The following IQCM variants were observed in gnomAD, a reference collection of about 807,000 sequenced individuals.
IQCM encodes the protein IQ domain-containing protein M.
IQCM carries 45 observed loss-of-function variants against 57.6 expected under a neutral mutation model. That is an observed-to-expected ratio of 0.78 (90% confidence interval 0.62 to 1.00). The LOEUF is 1.00. Among genes scored for constraint, IQCM ranks in the 50% least tolerant of loss-of-function variants. The pLI is 0.00. For missense variants in IQCM, 468 were observed against 511.6 expected (o/e 0.91, Z 0.82); for synonymous variants, 148 against 158.9 (o/e 0.93, Z 0.51).
chr4:149,506,025 C>T (rs1743778539), intron 12 of IQCM, among the ~76,000 whole-genome samples: 1 of 152,168 alleles, frequency 6.6e-6, no homozygotes, highest in African/African-American at 2.4e-5. Flanking sequence ...TCTTACTTAT[C>T]CACAAGATCT....
chr4:149,465,426 T>A (rs1553970248), intron 12 of IQCM, among the ~76,000 whole-genome samples: 1 of 152,146 alleles, frequency 6.6e-6, no homozygotes, highest in African/African-American at 2.4e-5. Context: ...GGCTCCCAGA[T>A]GAGTACCGAA....
chr4:149,713,760 G>A (rs947697009), intron 5 of IQCM, among the ~76,000 whole-genome samples: 3 of 151,740 alleles, frequency 2.0e-5, no homozygotes, highest in African/African-American at 7.3e-5. Context: ...CCCATCTAAG[G>A]CCCAACCCCT....
Position 149,351,782 on chromosome 4 carries a change from G to T in IQCM, c.*169C>A. 2.6e-6 allele frequency: 1 copy of T among 387,216 alleles called. No individual in the cohort carries two copies. Among genetic ancestry groups the T allele is most frequent in the Admixed American group, 4.5e-5 (1 of 22,428 alleles). The allele number at this position is 387,216 out of a possible 1,614,324, so 24.0% of individuals were successfully genotyped here. ...TTATGAAGGAGATCAAATGAATGGT[G>T]TTCATCCAAAAATACTAGAAATTAT... On this transcript the variant is annotated 3_prime_UTR_variant, in exon 14 of 14. Transcript: ENST00000636793.
intron 2 of IQCM, among the ~76,000 whole-genome samples, chr4:149,796,317 G>A (rs1245314338): frequency 6.6e-6 from 1 of 152,180 alleles, no homozygotes; most frequent in Non-Finnish European, 1.5e-5. Flanking sequence ...ACAGAGTGAG[G>A]CTCCTCTCCC....
intron 7 of IQCM, among the ~76,000 whole-genome samples, chr4:149,649,576 T>C (rs188475256): frequency 6.6e-6 from 1 of 152,336 alleles, no homozygotes; most frequent in Admixed American, 6.5e-5. Flanking sequence ...AAGGATGATT[T>C]ATTCAAATAA....
intron 13 of IQCM, among the ~76,000 whole-genome samples, chr4:149,425,572 G>T (rs1734409024): frequency 6.6e-6 from 1 of 151,896 alleles, no homozygotes; most frequent in South Asian, 2.1e-4. Flanking sequence ...GAGGAAATTT[G>T]CCCTTCCTCC....
chr4:149,738,992 C>T (rs2149901394), intron 3 of IQCM, among the ~76,000 whole-genome samples: 1 of 152,242 alleles, frequency 6.6e-6, no homozygotes, highest in East Asian at 1.9e-4. Flanking sequence ...TTTATTAAAG[C>T]TCCATCTAGT....
intron 2 of IQCM, among the ~76,000 whole-genome samples, chr4:149,772,229 C>CAGA (rs35589101): frequency 0.5 from 76,019 of 151,698 alleles, 22,431 homozygotes; most frequent in African/African-American, 0.8. Context: ...ACAATGTAAA[C>CAGA]AGAACCACTA....
At chr4:149,509,601 A>G (rs1425577217) in intron 12 of IQCM, among the ~76,000 whole-genome samples, 1 of 152,156 alleles carries the variant, frequency 6.6e-6, no homozygotes, top group Non-Finnish European at 1.5e-5. Context: ...ATCTGACATC[A>G]AGATATAATC....
intron 13 of IQCM, among the ~76,000 whole-genome samples, chr4:149,419,527 A>T (rs550123945): frequency 6.6e-6 from 1 of 152,224 alleles, no homozygotes; most frequent in South Asian, 2.1e-4. Context: ...AAGACCCCAA[A>T]CTATAAAAAC....
intron 12 of IQCM, among the ~76,000 whole-genome samples, chr4:149,534,072 T>A (rs1459777896): frequency 6.6e-6 from 1 of 152,132 alleles, no homozygotes; most frequent in Non-Finnish European, 1.5e-5. Flanking sequence ...TTATATTGAT[T>A]ATCCTTTAAT....
intron 13 of IQCM, among the ~76,000 whole-genome samples, chr4:149,384,663 A>G (rs1163433204): frequency 6.6e-6 from 1 of 152,084 alleles, no homozygotes; most frequent in East Asian, 1.9e-4. Flanking sequence ...TAGGGATTTT[A>G]ACCTCTTTTC....
At chr4:149,588,735 T>A (rs571742430) in intron 8 of IQCM, among the ~76,000 whole-genome samples, 4 of 152,018 alleles carry the variant, frequency 2.6e-5, no homozygotes, top group African/African-American at 9.6e-5. Flanking sequence ...AATCTTGGAC[T>A]TCCAGCCCCC....
At chr4:149,355,586 TA>T (rs1354619809) in intron 13 of IQCM, among the ~76,000 whole-genome samples, 1 of 152,174 alleles carries the variant, frequency 6.6e-6, no homozygotes, top group Non-Finnish European at 1.5e-5. Context: ...TCATTTTTTA[TA>T]GCTGCATAGT....
intron 12 of IQCM, among the ~76,000 whole-genome samples, chr4:149,474,672 G>A (rs147481499): frequency 1.7e-3 from 258 of 151,880 alleles, no homozygotes; most frequent in Non-Finnish European, 3.1e-3. Flanking sequence ...AGCCGAGATC[G>A]TGTCCTTGTA....
chr4:149,380,053 C>G (rs975451981), intron 13 of IQCM, among the ~76,000 whole-genome samples: 2 of 152,076 alleles, frequency 1.3e-5, no homozygotes, highest in African/African-American at 4.8e-5. Flanking sequence ...GTGAGATGTG[C>G]CTTTCATCTC....
At chr4:149,759,681 A>C (rs1769315831) in intron 2 of IQCM, among the ~76,000 whole-genome samples, 1 of 152,168 alleles carries the variant, frequency 6.6e-6, no homozygotes, top group Non-Finnish European at 1.5e-5. Flanking sequence ...AAAAGAATAG[A>C]TCACAAGGGA....
At chr4:149,808,206 G>T (rs1030135683) in intron 2 of IQCM, among the ~76,000 whole-genome samples, 3 of 152,056 alleles carry the variant, frequency 2.0e-5, no homozygotes, top group Non-Finnish European at 2.9e-5. Flanking sequence ...ATGTAGTATA[G>T]ATGCACAATG....
At chr4:149,587,894 A>C in intron 9 of IQCM, 36 bp downstream of exon 9, 2 of 1,011,926 alleles carry the variant, frequency 2.0e-6, no homozygotes, top group Non-Finnish European at 2.5e-6. Context: ...AAATGAGTGC[A>C]TTAATTTACA....
Sources: allele counts gnomAD v4.1 joint callset (sites outside exome capture counted in the v4.1 genomes callset), GRCh38; gene constraint gnomAD v4.1.1; transcripts MANE v1.5; gene names NCBI Gene and HGNC (gene_info 2026-07-23, HGNC 2026-07-21).